The following ILDR2 variants were observed in gnomAD, a reference collection of about 807,000 sequenced individuals.
ILDR2 encodes immunoglobulin like domain containing receptor 2.
In ILDR2, 25 loss-of-function variants were observed where a neutral mutation model predicts 66.8. The ratio of observed to expected loss-of-function variants is 0.37; its 90% confidence interval spans 0.27 to 0.52. The LOEUF (loss-of-function observed/expected upper bound fraction) is 0.52, where lower values mean the gene tolerates loss of function less well. ILDR2 is among the 20% of genes least tolerant of loss of function. The pLI is 0.88. For missense variants in ILDR2, 827 were observed against 876.8 expected, an observed-to-expected ratio of 0.94 and a Z score of 0.72; for synonymous variants, 367 against 357.2, an observed-to-expected ratio of 1.03 and a Z score of -0.31.
rs1659874442 is a variant in ILDR2 at position 166,920,779 on chromosome 1, G to A, written c.1812C>T (p.Ser604=). 2.0e-6 allele frequency: 3 copies of A among 1,519,782 alleles called. No homozygotes were observed. Among genetic ancestry groups the A allele is most frequent in the South Asian group, 1.2e-5 (1 of 80,278 alleles). The allele number at this position is 1,519,782 out of a possible 1,614,324, so 94.1% of individuals were successfully genotyped here. Residue 604 remains serine (S), a synonymous_variant, in exon 9 of 10, where the codon TCC becomes TCT. Transcript: ENST00000271417. ...YSELELTRGP[S]YRGRDLPYHS... ...GGTAGGGCAGGTCGCGGCCGCGGTAGGACGGGCCGCGGGTCAGCTCCAGCT... is the reference window on the plus strand; with the variant it reads ...GGTAGGGCAGGTCGCGGCCGCGGTAAGACGGGCCGCGGGTCAGCTCCAGCT...
intron 1 of ILDR2, among the ~76,000 whole-genome samples, chr1:166,959,845 C>A (rs748287589): frequency 1.3e-5 from 2 of 152,134 alleles, no homozygotes; most frequent in Non-Finnish European, 2.9e-5. Context: ...GCAGAAAAAA[C>A]GAATATGAAG....
intron 8 of ILDR2, 40 bp downstream of exon 8, chr1:166,922,553 C>T (rs201239707): frequency 2.6e-6 from 4 of 1,550,448 alleles, no homozygotes; most frequent in East Asian, 2.3e-5. Flanking sequence ...CCAGCTCCTG[C>T]CCCCTCACAC....
chr1:166,905,736 C>A (rs1281388491), downstream of ILDR2, among the ~76,000 whole-genome samples: 1 of 152,192 alleles, frequency 6.6e-6, no homozygotes, highest in African/African-American at 2.4e-5. Flanking sequence ...CATGTCCCAG[C>A]CACAGCATCA....
intron 3 of ILDR2, among the ~76,000 whole-genome samples, chr1:166,942,718 C>A (rs1410752997): frequency 2.0e-5 from 3 of 152,266 alleles, no homozygotes; most frequent in Non-Finnish European, 4.4e-5. Flanking sequence ...CTTCCACACA[C>A]AGAATAACAG....
rs185111105 is a variant in ILDR2, at chr1:166,939,962, C to G, written c.500-392G>C. ...CAATCTACATTTTCATACATCCATA[C>G]ACAGTCCTATGTCCATATAAAAACA... On this transcript the variant is annotated intron_variant, in intron 3 of 9. Transcript: ENST00000271417. Among the ~76,000 whole-genome samples the G allele has an allele frequency of 2.0e-4, 30 of 152,358 alleles. 1 individual carries two copies. The East Asian group carries it at 5.0e-3, about 25-fold the overall frequency.
chr1:166,936,320 C>G lies in ILDR2; in HGVS notation c.703+271G>C, dbSNP rs1278102817. On this transcript the variant is annotated intron_variant, in intron 5 of 9. Coordinates refer to ENST00000271417, the MANE Select transcript of ILDR2 (RefSeq NM_199351.3). This position sits in a 1 kb window ranked among gnomAD's most constrained non-coding sequence, Gnocchi z 5.0. ...ACAACCTCACCACGCCAAACCTGCC[C>G]TTCCATTTTATCAATAGTGTCCATG... Among the ~76,000 whole-genome samples, 2 of 152,188 alleles carry G rather than the reference C, an allele frequency of 1.3e-5. No homozygotes were observed. The highest frequency in any genetic ancestry group is 4.8e-5 in the African/African-American group (2 of 41,432).
chr1:166,954,807 G>T (rs1211615056), intron 3 of ILDR2, among the ~76,000 whole-genome samples: 1 of 151,804 alleles, frequency 6.6e-6, no homozygotes, highest in Non-Finnish European at 1.5e-5. Flanking sequence ...TGCATGTTTT[G>T]ATCCAGAGGA....
chr1:166,930,050 A>G (rs1660542410), intron 6 of ILDR2, among the ~76,000 whole-genome samples: 1 of 152,208 alleles, frequency 6.6e-6, no homozygotes, highest in Admixed American at 6.5e-5. Context: ...GAGGGGGCCC[A>G]TAAAGTTGTT....
intron 1 of ILDR2, among the ~76,000 whole-genome samples, chr1:166,962,676 G>C (rs573250736): frequency 6.6e-6 from 1 of 152,136 alleles, no homozygotes; most frequent in Non-Finnish European, 1.5e-5. Context: ...CTGGGAGTAG[G>C]GGAGTATCCT....
At chr1:166,953,876 T>G (rs553089482) in intron 3 of ILDR2, among the ~76,000 whole-genome samples, 2 of 152,360 alleles carry the variant, frequency 1.3e-5, no homozygotes, top group South Asian at 4.1e-4. Context: ...ATAGAACTCA[T>G]TTCTGAGAAT....
chr1:166,923,127 T>C (rs1214868807), intron 7 of ILDR2, among the ~76,000 whole-genome samples: 1 of 152,240 alleles, frequency 6.6e-6, no homozygotes, highest in East Asian at 1.9e-4. Flanking sequence ...CTCCTCCTAG[T>C]ACATCATCAT....
chr1:166,905,596 T>C (rs536862158), downstream of ILDR2, among the ~76,000 whole-genome samples: 26 of 152,246 alleles, frequency 1.7e-4, no homozygotes, highest in African/African-American at 6.3e-4. Flanking sequence ...CCCTCTGAGA[T>C]GTCCAACCCT....
At position 166,936,386 on chromosome 1, in the gene ILDR2, T is replaced by C. The variant is rs1557940332; in HGVS notation, c.703+205A>G. ...TGGAGTGATAGATATGGATAAGAAG[T>C]GTGGAGAGGTGTATGTAGGTGAAAA... is the stretch of plus-strand genomic sequence containing the variant. On this transcript the variant is annotated intron_variant, in intron 5 of 9. Transcript: ENST00000271417. This position sits in a 1 kb window ranked among gnomAD's most constrained non-coding sequence, Gnocchi z 5.0. Among the ~76,000 whole-genome samples, 1 of 151,802 alleles carries C rather than the reference T, an allele frequency of 6.6e-6. No individual in the cohort carries two copies. Among genetic ancestry groups the C allele is most frequent in the African/African-American group, 2.4e-5 (1 of 41,278 alleles).
rs1217399915 is a variant in ILDR2 at position 166,914,578 on chromosome 1, A to G, written c.*4777T>C. The G allele has an allele frequency of 6.6e-6, 1 of 152,240 alleles. No homozygotes were observed. The highest frequency in any genetic ancestry group is 2.4e-5 in the African/African-American group (1 of 41,464). The allele number at this position is 152,240 out of a possible 1,614,324, so 9.4% of individuals were successfully genotyped here. The stretch of plus-strand genomic sequence containing the variant: ...GTAAACAGTAATATATCATAAAAAT[A>G]ACACAAATATTATTAGTATTAACCT... On this transcript the variant is annotated 3_prime_UTR_variant, in exon 10 of 10. Coordinates refer to ENST00000271417, the MANE Select transcript of ILDR2 (RefSeq NM_199351.3).
chr1:166,925,384 G>A (rs1407819933), intron 7 of ILDR2, among the ~76,000 whole-genome samples: 1 of 152,194 alleles, frequency 6.6e-6, no homozygotes, highest in Non-Finnish European at 1.5e-5. Context: ...GGTTCCAGGA[G>A]ATCAGGGTTC....
intron 2 of ILDR2, among the ~76,000 whole-genome samples, chr1:166,897,760 C>T (rs1174184834): frequency 6.6e-6 from 1 of 152,214 alleles, no homozygotes; most frequent in Admixed American, 6.5e-5. Flanking sequence ...CATTTGGGAC[C>T]TCCCCAGGCT....
At chr1:166,903,323 T>G (rs550774583), downstream of ILDR2, among the ~76,000 whole-genome samples, 1 of 152,362 alleles carries the variant, frequency 6.6e-6, no homozygotes, top group East Asian at 1.9e-4. Flanking sequence ...CAGTTCTCCA[T>G]GAGGTCATTT....
At position 166,909,762 on chromosome 1, in the gene ILDR2, T is replaced by TAA. The variant is rs1659428762; in HGVS notation, c.*9592_*9593insTT. The TAA allele has an allele frequency of 1.5e-5, 1 of 65,698 alleles. No homozygotes were observed. Among genetic ancestry groups the TAA allele is most frequent in the South Asian group, 5.8e-4 (1 of 1,710 alleles). The allele number at this position is 65,698 out of a possible 1,614,324, so 4.1% of individuals were successfully genotyped here. On this transcript the variant is annotated 3_prime_UTR_variant, in exon 10 of 10. Coordinates refer to ENST00000271417, the MANE Select transcript of ILDR2 (RefSeq NM_199351.3). Reference sequence around the variant, plus strand: ...ATATATATATATATATATATATAAATATATATAAATATATATATTTATATA... The same window carrying TAA: ...ATATATATATATATATATATATAAATAAATATATAAATATATATATTTATATA...
chr1:166,945,356 C>T (rs1661556285), intron 3 of ILDR2, among the ~76,000 whole-genome samples: 1 of 152,182 alleles, frequency 6.6e-6, no homozygotes, highest in South Asian at 2.1e-4. Context: ...TCATATCATA[C>T]TGTCACAAAC....
Sources: gnomAD v4.1 joint callset for allele counts (sites outside exome capture counted in the v4.1 genomes callset) on GRCh38, gnomAD v4.1.1 for gene constraint, Gnocchi (gnomAD v3.1) non-coding constraint, MANE v1.5 for transcripts, NCBI Gene and HGNC (gene_info 2026-07-23, HGNC 2026-07-21) for gene names.